The following NOS1AP variants were observed in gnomAD, a reference collection of about 807,000 sequenced individuals.
NOS1AP encodes carboxyl-terminal PDZ ligand of neuronal nitric oxide synthase protein.
A neutral mutation model predicts 56.2 loss-of-function variants in NOS1AP; 21 were observed. The ratio of observed to expected loss-of-function variants is 0.37; its 90% confidence interval spans 0.26 to 0.54. NOS1AP has a LOEUF of 0.54. Among genes scored for constraint, NOS1AP ranks in the 20% least tolerant of loss-of-function variants. NOS1AP has a pLI of 0.84. For missense variants in NOS1AP, 522 were observed against 657.8 expected (o/e 0.79, Z 2.26); for synonymous variants, 270 against 274.6 (o/e 0.98, Z 0.17).
intron 8 of NOS1AP, chr1:162,360,501 T>C (rs1314284597): frequency 1.0e-5 from 3 of 288,268 alleles, no homozygotes; most frequent in Non-Finnish European, 1.4e-5. Flanking sequence ...CTATTCACAG[T>C]TTGCCAATTC....
At chr1:162,249,855 G>T (rs535013471) in intron 2 of NOS1AP, among the ~76,000 whole-genome samples, 14 of 152,320 alleles carry the variant, frequency 9.2e-5, no homozygotes, top group African/African-American at 3.4e-4. Context: ...GGGCACGAGA[G>T]GGGGATTTGA....
intron 2 of NOS1AP, among the ~76,000 whole-genome samples, chr1:162,196,603 G>A (rs1651812939): frequency 6.6e-6 from 1 of 152,164 alleles, no homozygotes; most frequent in Non-Finnish European, 1.5e-5. Flanking sequence ...GGGGCCAAAG[G>A]GCACCAGTTC....
intron 1 of NOS1AP, among the ~76,000 whole-genome samples, chr1:162,095,208 C>T (rs1210962460): frequency 2.6e-5 from 4 of 152,104 alleles, no homozygotes; most frequent in Admixed American, 2.0e-4. Context: ...CCCTAATGCC[C>T]AGTGTGATGC....
chr1:162,200,737 C>A (rs7415748), intron 2 of NOS1AP, among the ~76,000 whole-genome samples: 125,813 of 152,040 alleles, frequency 0.83, 52,405 homozygotes, highest in East Asian at 0.88. Flanking sequence ...TGGTGAATTT[C>A]ATCTTTACCT....
chr1:162,352,420 AT>A (rs11362097), intron 6 of NOS1AP, among the ~76,000 whole-genome samples: 4,484 of 139,684 alleles, frequency 0.032, 87 homozygotes, highest in African/African-American at 0.049. Flanking sequence ...TGCCCCTGGT[AT>A]TTTTTTTTTT....
chr1:162,141,319 G>A (rs145682938), intron 1 of NOS1AP, among the ~76,000 whole-genome samples: 21 of 152,334 alleles, frequency 1.4e-4, no homozygotes, highest in Non-Finnish European at 2.5e-4. Context: ...GAACCAATGA[G>A]ACTTTTCATG....
intron 2 of NOS1AP, among the ~76,000 whole-genome samples, chr1:162,180,049 G>A (rs1353495393): frequency 1.3e-5 from 2 of 152,130 alleles, no homozygotes; most frequent in African/African-American, 4.8e-5. Flanking sequence ...CCAGCATTAT[G>A]CAGGTGTTCA....
At chr1:162,089,702 G>A (rs1216999120) in intron 1 of NOS1AP, among the ~76,000 whole-genome samples, 1 of 152,152 alleles carries the variant, frequency 6.6e-6, no homozygotes. Context: ...CACAGAAGAG[G>A]AAAAGACAGT....
At chr1:162,091,532 C>T (rs550145991) in intron 1 of NOS1AP, among the ~76,000 whole-genome samples, 1 of 152,228 alleles carries the variant, frequency 6.6e-6, no homozygotes, top group Non-Finnish European at 1.5e-5. Context: ...AATATATTGC[C>T]ACCATTTTCC....
chr1:162,240,195 C>T (rs1366521395), intron 2 of NOS1AP, among the ~76,000 whole-genome samples: 2 of 151,978 alleles, frequency 1.3e-5, no homozygotes, highest in Non-Finnish European at 2.9e-5. Flanking sequence ...AGGGGCCTCA[C>T]TGACTTCCAT....
intron 1 of NOS1AP, among the ~76,000 whole-genome samples, chr1:162,071,395 T>C (rs1691657077): frequency 6.6e-6 from 1 of 152,248 alleles, no homozygotes; most frequent in African/African-American, 2.4e-5. Context: ...AGGTGTCTTC[T>C]TCCTTCAATT....
At chr1:162,291,121 G>C (rs2101743257) in intron 3 of NOS1AP, among the ~76,000 whole-genome samples, 1 of 151,884 alleles carries the variant, frequency 6.6e-6, no homozygotes, top group South Asian at 2.1e-4. Context: ...GGGACCCTCT[G>C]AGGTCCAACA....
chr1:162,337,054 G>A (rs1427056343), intron 5 of NOS1AP, among the ~76,000 whole-genome samples: 1 of 152,198 alleles, frequency 6.6e-6, no homozygotes, highest in Non-Finnish European at 1.5e-5. Context: ...CTCTCGAGAA[G>A]ACTCTTGCAT....
chr1:162,096,503 AT>A (rs1304721298), intron 1 of NOS1AP, among the ~76,000 whole-genome samples: 5 of 152,216 alleles, frequency 3.3e-5, no homozygotes, highest in Non-Finnish European at 7.3e-5. Context: ...AAGAAAAAAT[AT>A]GTATAATTGA....
intron 1 of NOS1AP, among the ~76,000 whole-genome samples, chr1:162,123,925 A>T (rs1360693246): frequency 1.3e-5 from 2 of 152,222 alleles, no homozygotes; most frequent in Non-Finnish European, 2.9e-5. Flanking sequence ...CAGTTGTCAA[A>T]TTAAAAAAAT....
chr1:162,183,606 C>T (rs1651332739), intron 2 of NOS1AP, among the ~76,000 whole-genome samples: 1 of 152,246 alleles, frequency 6.6e-6, no homozygotes, highest in Admixed American at 6.5e-5. Flanking sequence ...TCCTGGATAA[C>T]TTGCTGCAGC....
chr1:162,154,978 G>T (rs1649875521), intron 2 of NOS1AP, among the ~76,000 whole-genome samples: 1 of 152,068 alleles, frequency 6.6e-6, no homozygotes. Flanking sequence ...ATTAGAAACG[G>T]TGGCTCTTGA....
At chr1:162,196,729 G>A (rs1252868554) in intron 2 of NOS1AP, among the ~76,000 whole-genome samples, 1 of 152,194 alleles carries the variant, frequency 6.6e-6, no homozygotes, top group Non-Finnish European at 1.5e-5. Context: ...TTGAAAAAAT[G>A]CAGTGCAGTA....
In NOS1AP at chr1:162,359,336, T is replaced by C. The variant is rs185787508; in HGVS notation, c.939+2200T>C. On this transcript the variant is annotated intron_variant, in intron 8 of 9. Coordinates refer to ENST00000361897, the MANE Select transcript of NOS1AP (RefSeq NM_014697.3). ...GCTTCCAAAATCATCAGATAGGACG[T>C]TGGGGTCATCTGATAGGTTCTTGAA... Among the ~76,000 whole-genome samples the C allele has an allele frequency of 3.3e-5, 5 of 152,292 alleles. No individual in the cohort carries two copies. In the East Asian group the frequency reaches 7.7e-4, roughly 24 times the overall value.
Sources: allele counts gnomAD v4.1 joint callset (sites outside exome capture counted in the v4.1 genomes callset), GRCh38; gene constraint gnomAD v4.1.1; transcripts MANE v1.5; gene names NCBI Gene and HGNC (gene_info 2026-07-23, HGNC 2026-07-21).